Variants in AKAP6 observed in about 807,000 individuals in gnomAD.
AKAP6 encodes the protein A-kinase anchoring protein 6, also known as A-kinase anchor protein 6.
A neutral mutation model predicts 188.5 loss-of-function variants in AKAP6; 58 were observed. The ratio of observed to expected loss-of-function variants is 0.31; its 90% CI spans 0.25 to 0.38. The LOEUF (loss-of-function observed/expected upper bound fraction) is 0.38, where lower values mean the gene tolerates loss of function less well. AKAP6 is among the 10% of genes least tolerant of loss of function. The pLI is 1.00. For synonymous variants in AKAP6, 989 were observed against 998.6 expected (o/e 0.99, Z 0.18); for missense variants, 2,710 against 2,740.0 (o/e 0.99, Z 0.24).
chr14:32,357,222 A>G (rs1887513016), intron 1 of AKAP6, among the ~76,000 whole-genome samples: 3 of 152,214 alleles, frequency 2.0e-5, no homozygotes, highest in Admixed American at 2.0e-4. Flanking sequence ...CAAATTAATG[A>G]GTCTCTTCCA....
intron 1 of AKAP6, among the ~76,000 whole-genome samples, chr14:32,378,534 G>A (rs1888232479): frequency 6.6e-6 from 1 of 152,202 alleles, no homozygotes; most frequent in Admixed American, 6.5e-5. Flanking sequence ...AGAGAGGAAA[G>A]TGGCTGAGGA....
At chr14:32,447,373 T>A (rs1162063099) in intron 2 of AKAP6, among the ~76,000 whole-genome samples, 1 of 152,258 alleles carries the variant, frequency 6.6e-6, no homozygotes, top group African/African-American at 2.4e-5. Context: ...GTTATGATTT[T>A]AAATTTTCCT....
chr14:32,770,519 A>C (rs2032865115), intron 11 of AKAP6, among the ~76,000 whole-genome samples: 1 of 152,186 alleles, frequency 6.6e-6, no homozygotes, highest in Non-Finnish European at 1.5e-5. Flanking sequence ...AGCATTTCAA[A>C]CTTTTCTGTT....
chr14:32,669,297 C>A (rs533340400), intron 7 of AKAP6, among the ~76,000 whole-genome samples: 2 of 152,276 alleles, frequency 1.3e-5, no homozygotes, highest in East Asian at 1.9e-4. Flanking sequence ...TAGAAGGAAG[C>A]TTTGGCATCC....
At chr14:32,547,116 A>C in intron 4 of AKAP6, 117 bp downstream of exon 4, 1 of 1,027,014 alleles carries the variant, frequency 9.7e-7, no homozygotes, top group Non-Finnish European at 1.4e-6. Context: ...GATAAATCTG[A>C]TTCTCCAAAG....
intron 9 of AKAP6, among the ~76,000 whole-genome samples, chr14:32,700,760 T>C (rs1890588910): frequency 6.6e-6 from 1 of 152,110 alleles, no homozygotes; most frequent in Non-Finnish European, 1.5e-5. Context: ...TTTATCTAAG[T>C]ACACTCTAGG....
intron 1 of AKAP6, among the ~76,000 whole-genome samples, chr14:32,408,638 G>C (rs79974354): frequency 1.3e-5 from 2 of 151,904 alleles, no homozygotes; most frequent in Non-Finnish European, 1.5e-5. Context: ...AGTAAATTGA[G>C]TGTGACCTGA....
At position 32,830,146 on chromosome 14, in the gene AKAP6, A is replaced by T; in HGVS notation, c.*341A>T. The T allele has an allele frequency of 3.6e-6, 2 of 562,700 alleles. No homozygotes were observed. The highest frequency in any genetic ancestry group is 4.5e-5 in the South Asian group (2 of 44,184). 34.9% of individuals were successfully genotyped at this position (562,700 alleles called of 1,614,324 possible). A position where few individuals can be genotyped will look rare whatever the true frequency, so the allele number is the denominator to read the frequency against. On this transcript the variant is annotated 3_prime_UTR_variant, in exon 14 of 14. Coordinates refer to ENST00000280979, the MANE Select transcript of AKAP6 (RefSeq NM_004274.5). ...CTCTTTGCCTCCTCCCTTCCCTTCCACTCTTTAAAGTTCTGCAGTTCACCA... is the reference window on the plus strand; with the variant it reads ...CTCTTTGCCTCCTCCCTTCCCTTCCTCTCTTTAAAGTTCTGCAGTTCACCA...
intron 1 of AKAP6, among the ~76,000 whole-genome samples, chr14:32,413,696 G>A (rs1166155885): frequency 6.6e-6 from 1 of 152,138 alleles, no homozygotes; most frequent in Non-Finnish European, 1.5e-5. Context: ...TTTCTTCATT[G>A]ATTGATGGAT....
chr14:32,439,392 G>A (rs781128981), intron 2 of AKAP6, among the ~76,000 whole-genome samples: 1 of 152,156 alleles, frequency 6.6e-6, no homozygotes, highest in Non-Finnish European at 1.5e-5. Flanking sequence ...CCAGTGTGGG[G>A]AGGAAAGGGG....
At chr14:32,653,703 A>C (rs575168378) in intron 7 of AKAP6, among the ~76,000 whole-genome samples, 1 of 152,222 alleles carries the variant, frequency 6.6e-6, no homozygotes, top group African/African-American at 2.4e-5. Context: ...TAAAAAGGGA[A>C]TAATAATAAT....
At chr14:32,445,750 T>C (rs1018950154) in intron 2 of AKAP6, among the ~76,000 whole-genome samples, 4 of 152,186 alleles carry the variant, frequency 2.6e-5, no homozygotes, top group Non-Finnish European at 5.9e-5. Context: ...GAGATATTAC[T>C]ACTCCAGCTG....
chr14:32,637,042 A>G (rs1887524334), intron 7 of AKAP6, among the ~76,000 whole-genome samples: 1 of 152,078 alleles, frequency 6.6e-6, no homozygotes. Context: ...TTAGGGAGGT[A>G]AAAAGTCCTT....
intron 10 of AKAP6, among the ~76,000 whole-genome samples, chr14:32,735,302 T>G (rs1453528390): frequency 6.6e-6 from 1 of 152,156 alleles, no homozygotes. Flanking sequence ...ATAATTCAAA[T>G]GAATTTTTCT....
chr14:32,756,395 G>C (rs1354325508), intron 11 of AKAP6, among the ~76,000 whole-genome samples: 2 of 152,102 alleles, frequency 1.3e-5, no homozygotes, highest in African/African-American at 4.8e-5. Flanking sequence ...GGTGAGCCTG[G>C]ATCCTGGGCT....
At chr14:32,709,353 C>T (rs1034028689) in intron 9 of AKAP6, among the ~76,000 whole-genome samples, 19 of 151,808 alleles carry the variant, frequency 1.3e-4, no homozygotes, top group African/African-American at 3.6e-4. Flanking sequence ...TTGTGTTCCC[C>T]GTCTGCTGTC....
chr14:32,461,472 G>A (rs1891320299), intron 2 of AKAP6, among the ~76,000 whole-genome samples: 1 of 152,186 alleles, frequency 6.6e-6, no homozygotes, highest in Non-Finnish European at 1.5e-5. Flanking sequence ...TAGCAGACCT[G>A]CAGAAGAGGA....
In AKAP6 at chr14:32,468,928, ATAGG is replaced by A. The variant is rs531026879; in HGVS notation, c.324+35117_324+35120del. ...AGTGATTATTAATAATATATGAATA[ATAGG>A]TAGGTTTAGTCCAAATTAATCTCTG... is the stretch of plus-strand genomic sequence containing the variant. On this transcript the variant is annotated intron_variant, in intron 2 of 13. Coordinates refer to ENST00000280979, the MANE Select transcript of AKAP6 (RefSeq NM_004274.5). Among the ~76,000 whole-genome samples, 12 of 152,310 alleles carry A rather than the reference ATAGG, an allele frequency of 7.9e-5. No homozygotes were observed. The East Asian group carries it at 2.3e-3, about 29-fold the overall frequency.
chr14:32,374,774 CCTAT>C (rs1393580988), intron 1 of AKAP6, among the ~76,000 whole-genome samples: 1 of 152,150 alleles, frequency 6.6e-6, no homozygotes, highest in Non-Finnish European at 1.5e-5. Context: ...TGTTTAATCA[CCTAT>C]CTATCCCTTT....
Sources: allele counts gnomAD v4.1 joint callset (sites outside exome capture counted in the v4.1 genomes callset), GRCh38; gene constraint gnomAD v4.1.1; transcripts MANE v1.5; gene names NCBI Gene and HGNC (gene_info 2026-07-23, HGNC 2026-07-21).